TMEM39A: variants seen among roughly 807,000 people sequenced by gnomAD.
TMEM39A encodes transmembrane protein 39A, also known as suppressor of SQST-1 aggregates in rpl-43 mutants.
TMEM39A carries 19 observed loss-of-function variants against 51.9 expected under a neutral mutation model. The ratio of observed to expected loss-of-function variants is 0.37; its 90% confidence interval spans 0.26 to 0.54. The LOEUF is 0.54. Ranked by LOEUF, TMEM39A falls within the 20% of genes least tolerant of loss-of-function variation. TMEM39A has a pLI of 0.88. For synonymous variants in TMEM39A, 197 were observed against 220.2 expected, an observed-to-expected ratio of 0.89 and a Z score of 0.93; for missense variants, 433 against 590.5, an observed-to-expected ratio of 0.73 and a Z score of 2.76.
At chr3:119,452,701 T>C (rs2081216454) in intron 3 of TMEM39A, among the ~76,000 whole-genome samples, 171 bp from the exon 4 acceptor site, 1 of 152,242 alleles carries the variant, frequency 6.6e-6, no homozygotes, top group Admixed American at 6.5e-5. Context: ...CTACTTCTTC[T>C]TTCATAACAA....
At chr3:119,451,659 C>G (rs1322425177) in intron 4 of TMEM39A, among the ~76,000 whole-genome samples, 2 of 151,664 alleles carry the variant, frequency 1.3e-5, no homozygotes, top group Non-Finnish European at 2.9e-5. Flanking sequence ...GGAGAAACCC[C>G]GTCTCTACTA....
chr3:119,453,442 T>A (rs1483830606), intron 3 of TMEM39A, among the ~76,000 whole-genome samples: 1 of 152,192 alleles, frequency 6.6e-6, no homozygotes, highest in Non-Finnish European at 1.5e-5. Context: ...TGCATCACCA[T>A]AAAATTTAAC....
chr3:119,461,917 G>T, intron 2 of TMEM39A, 45 bp downstream of exon 2: 2 of 1,451,874 alleles, frequency 1.4e-6, no homozygotes, highest in South Asian at 2.4e-5. Flanking sequence ...TAGTCTTACT[G>T]ATCAAAGGAC....
chr3:119,435,815 G>C, intron 7 of TMEM39A: 1 of 1,284,540 alleles, frequency 7.8e-7, no homozygotes, highest in South Asian at 1.2e-5. Context: ...AAGATGTACA[G>C]TACTAGTACT....
chr3:119,456,256 G>T (rs2081261811), intron 3 of TMEM39A, among the ~76,000 whole-genome samples: 1 of 152,020 alleles, frequency 6.6e-6, no homozygotes, highest in South Asian at 2.1e-4. Context: ...ATGAAGTACA[G>T]TTCCTACACT....
intron 8 of TMEM39A, 131 bp downstream of exon 8, chr3:119,434,631 G>T (rs1306686433): frequency 2.3e-6 from 3 of 1,327,994 alleles, no homozygotes; most frequent in African/African-American, 1.5e-5. Flanking sequence ...CCACTGTTAC[G>T]CTAGTAGCAA....
chr3:119,435,577 T>TTAAA, intron 7 of TMEM39A: 1 of 802,272 alleles, frequency 1.2e-6, no homozygotes, highest in Non-Finnish European at 1.5e-6. Context: ...TTAAGCTTTT[T>TTAAA]AAAAAAAAAA....
At chr3:119,436,264 G>A (rs2080966480) in intron 7 of TMEM39A, among the ~76,000 whole-genome samples, 1 of 152,088 alleles carries the variant, frequency 6.6e-6, no homozygotes, top group Non-Finnish European at 1.5e-5. Flanking sequence ...TTAAACACAG[G>A]AGAAGCAGGG....
In TMEM39A at chr3:119,463,412, G is replaced by A. The variant is rs2282175; in HGVS notation, c.-151C>T. On this transcript the variant is annotated 5_prime_UTR_variant, in exon 1 of 9. Coordinates refer to ENST00000319172, the MANE Select transcript of TMEM39A (RefSeq NM_018266.3). ...CTTTACAGACTGGACCCCAGGTAAG[G>A]GAACTCCCTCCCAGCGTTGGAACGC... 52,062 of 393,768 alleles carry A rather than the reference G, an allele frequency of 0.13. 3,668 individuals are homozygous for A. Among genetic ancestry groups the A allele is most frequent in the South Asian group, 0.18 (1,246 of 6,986 alleles). The allele number at this position is 393,768 out of a possible 1,614,324, so 24.4% of individuals were successfully genotyped here.
intron 4 of TMEM39A, 137 bp downstream of exon 4, chr3:119,452,310 A>C (rs1308840788): frequency 5.7e-6 from 3 of 523,560 alleles, no homozygotes; most frequent in Non-Finnish European, 1.0e-5. Flanking sequence ...ACATTTTTTA[A>C]AGTACTGGCA....
chr3:119,448,489 T>C (rs1335223972), intron 4 of TMEM39A, among the ~76,000 whole-genome samples: 1 of 152,222 alleles, frequency 6.6e-6, no homozygotes, highest in East Asian at 1.9e-4. Flanking sequence ...CTATAACATA[T>C]ACGCAATATA....
intron 4 of TMEM39A, among the ~76,000 whole-genome samples, chr3:119,452,233 C>T (rs1029282786): frequency 9.9e-5 from 15 of 152,106 alleles, no homozygotes; most frequent in Admixed American, 5.2e-4. Context: ...ACACAAGCTC[C>T]GACCCTACGA....
Position 119,429,845 on chromosome 3 carries a change from T to C in TMEM39A, c.*2136A>G, listed in dbSNP as rs371201809. On this transcript the variant is annotated 3_prime_UTR_variant, in exon 9 of 9. Coordinates refer to ENST00000319172, the MANE Select transcript of TMEM39A (RefSeq NM_018266.3). The stretch of plus-strand genomic sequence containing the variant: ...CAAGCCAGCATCTGGTTCTGTGCTA[T>C]TCCCTTAGGATAGGACCAAGACAGA... The C allele has an allele frequency of 4.6e-5, 7 of 152,174 alleles. No individual in the cohort carries two copies. Among genetic ancestry groups the C allele is most frequent in the African/African-American group, 1.7e-4 (7 of 41,444 alleles). 9.4% of individuals were successfully genotyped at this position (152,174 alleles called of 1,614,324 possible).
At chr3:119,435,918 T>C (rs1461855433) in intron 7 of TMEM39A, 11 of 1,289,610 alleles carry the variant, frequency 8.5e-6, no homozygotes, top group Admixed American at 2.3e-5. Flanking sequence ...GTTCCTGGGC[T>C]TGAAGGCCTG....
At chr3:119,457,601 A>G (rs2081282936) in intron 3 of TMEM39A, among the ~76,000 whole-genome samples, 2 of 152,190 alleles carry the variant, frequency 1.3e-5, no homozygotes, top group Admixed American at 6.5e-5. Context: ...GGGTCCCCTG[A>G]AGAACTCCTG....
chr3:119,452,430 A>G lies in TMEM39A; in HGVS notation c.420+17T>C. The G allele has an allele frequency of 6.2e-7, 1 of 1,602,702 alleles. No homozygotes were observed. Among genetic ancestry groups the G allele is most frequent in the Non-Finnish European group, 8.5e-7 (1 of 1,170,220 alleles). On this transcript the variant is annotated intron_variant, in intron 4 of 8. Transcript: ENST00000319172. ...ACTCTAGCTACATGTGATAGAATAT[A>G]GTCAATGAACTGTTACCTCTGAGAT...
In TMEM39A at chr3:119,433,066, T is replaced by C. The variant is rs1472470133; in HGVS notation, c.1234-852A>G. On this transcript the variant is annotated intron_variant, in intron 8 of 8. Coordinates refer to ENST00000319172, the MANE Select transcript of TMEM39A (RefSeq NM_018266.3). Reference sequence around the variant, plus strand: ...CATTAACAATTCAGCTTAACCAGTCTAATCCTAAATCTAGATGAAGACAAG... The same window carrying C: ...CATTAACAATTCAGCTTAACCAGTCCAATCCTAAATCTAGATGAAGACAAG... Among the ~76,000 whole-genome samples the C allele has an allele frequency of 2.0e-5, 3 of 152,182 alleles. No individual in the cohort carries two copies. In the South Asian group the frequency reaches 6.2e-4, roughly 31 times the overall value.
At position 119,446,184 on chromosome 3, in the gene TMEM39A, T is replaced by C. The variant is rs575975578; in HGVS notation, c.575+834A>G. On this transcript the variant is annotated intron_variant, in intron 5 of 8. Coordinates refer to ENST00000319172, the MANE Select transcript of TMEM39A (RefSeq NM_018266.3). ...AATCTTAGCAACCTCAGCATGATTT[T>C]TCGTCTTTCCTTACTAAGTCAAGAA... 4.6e-5 allele frequency among the ~76,000 whole-genome samples: 7 copies of C among 152,344 alleles called. No individual in the cohort carries two copies. The East Asian group carries it at 1.2e-3, about 25-fold the overall frequency.
chr3:119,451,274 T>C, intron 4 of TMEM39A: 1 of 1,288,286 alleles, frequency 7.8e-7, no homozygotes, highest in Non-Finnish European at 1.0e-6. Flanking sequence ...TTACTCTGCT[T>C]CCAGAAATAG....
Sources: gnomAD v4.1 joint callset for allele counts (sites outside exome capture counted in the v4.1 genomes callset) on GRCh38, gnomAD v4.1.1 for gene constraint, MANE v1.5 for transcripts, NCBI Gene and HGNC (gene_info 2026-07-23, HGNC 2026-07-21) for gene names.